The following PAX2 variants were observed in gnomAD, a reference collection of about 807,000 sequenced individuals.
PAX2 encodes the protein paired box 2.
Under a neutral mutation model 41.7 loss-of-function variants are expected in PAX2, and 9 were observed. That is an observed-to-expected ratio of 0.22 (90% CI 0.13 to 0.38). PAX2 has a LOEUF of 0.38. Among genes scored for constraint, PAX2 ranks in the 10% least tolerant of loss-of-function variants. The probability of loss-of-function intolerance (pLI) is 1.00; values close to 1 mark genes in which losing one functional copy is unlikely to be tolerated. For synonymous variants in PAX2, 221 were observed against 212.7 expected (o/e 1.04, Z -0.34); for missense variants, 418 against 531.6 (o/e 0.79, Z 2.10).
chr10:100,810,866 C>G (rs1003807281), intron 7 of PAX2, among the ~76,000 whole-genome samples: 1 of 152,200 alleles, frequency 6.6e-6, no homozygotes, highest in Non-Finnish European at 1.5e-5. Flanking sequence ...CGCCTCCCCC[C>G]CATGGCCCTG....
chr10:100,814,351 C>CAA (rs11458573), intron 7 of PAX2, among the ~76,000 whole-genome samples: 33,030 of 53,684 alleles, frequency 0.62, 12,647 homozygotes, highest in South Asian at 0.76. Context: ...GACTCCATCT[C>CAA]AAAAAAAAAA....
chr10:100,765,916 TATCATCATCATC>T (rs35255034), intron 3 of PAX2, among the ~76,000 whole-genome samples: 2 of 151,024 alleles, frequency 1.3e-5, no homozygotes, highest in South Asian at 2.1e-4. Flanking sequence ...CCTTTATATT[TATCATCATCATC>T]ATCATCATCA....
rs182342008 is a variant in PAX2 at position 100,826,146 on chromosome 10, T to C, written c.1022-863T>C. 7.2e-4 allele frequency among the ~76,000 whole-genome samples: 109 copies of C among 152,240 alleles called. No homozygotes were observed. Among genetic ancestry groups the C allele is most frequent in the Non-Finnish European group, 9.3e-4 (63 of 67,994 alleles). On this transcript the variant is annotated intron_variant, in intron 8 of 9. Transcript: ENST00000355243. This position sits in a 1 kb window ranked among gnomAD's most constrained non-coding sequence, Gnocchi z 5.5. The stretch of plus-strand genomic sequence containing the variant: ...CACAGTTGAGCTCAGAAGCTCATTA[T>C]CCTGCTGCACGCATGCTTTCCCTCC...
intron 5 of PAX2, chr10:100,787,037 G>A (rs185978228): frequency 2.9e-5 from 38 of 1,317,102 alleles, no homozygotes; most frequent in East Asian, 1.9e-4. Context: ...GGAACATGGC[G>A]TGGGGGTCAA....
At chr10:100,784,038 C>T (rs1029215944) in intron 5 of PAX2, among the ~76,000 whole-genome samples, 4 of 152,156 alleles carry the variant, frequency 2.6e-5, no homozygotes, top group Non-Finnish European at 5.9e-5. Flanking sequence ...TCCACCAGCC[C>T]CTGGTGGGAA....
chr10:100,815,531 T>G (rs753211929), intron 7 of PAX2, among the ~76,000 whole-genome samples: 1 of 152,196 alleles, frequency 6.6e-6, no homozygotes, highest in Non-Finnish European at 1.5e-5. Context: ...TCCCTGAGTC[T>G]GCTGGCCACA....
intron 1 of PAX2, among the ~76,000 whole-genome samples, chr10:100,737,596 C>A (rs559989066): frequency 1.4e-4 from 21 of 152,360 alleles, no homozygotes; most frequent in African/African-American, 5.0e-4. Flanking sequence ...GAAAAGGAAA[C>A]CGCACTTCGA....
At chr10:100,769,654 TAAAATAAAATAAAATAAA>T (rs1438969983) in intron 3 of PAX2, among the ~76,000 whole-genome samples, 2 of 148,556 alleles carry the variant, frequency 1.3e-5, no homozygotes, top group Non-Finnish European at 3.0e-5. Context: ...TAAAATAAAA[TAAAATAAAATAAAATAAA>T]AAAATAAAAA....
intron 5 of PAX2, among the ~76,000 whole-genome samples, chr10:100,782,710 G>A (rs1004445305): frequency 2.0e-5 from 3 of 152,384 alleles, no homozygotes; most frequent in South Asian, 2.1e-4. Context: ...TATCCAAACC[G>A]ATTTGGCCGC....
intron 3 of PAX2, among the ~76,000 whole-genome samples, chr10:100,765,198 A>G (rs571188667): frequency 1.3e-5 from 2 of 152,358 alleles, no homozygotes; most frequent in East Asian, 3.9e-4. Context: ...AACTAACTGG[A>G]CAACTGCAAA....
intron 1 of PAX2, among the ~76,000 whole-genome samples, chr10:100,738,613 A>G (rs968931919): frequency 6.6e-6 from 1 of 152,110 alleles, no homozygotes; most frequent in Admixed American, 6.5e-5. Context: ...TCCTCCCTCC[A>G]TCAGTTTCTT....
intron 6 of PAX2, among the ~76,000 whole-genome samples, 199 bp downstream of exon 6, chr10:100,806,804 G>A (rs1847800681): frequency 1.3e-5 from 2 of 152,188 alleles, no homozygotes; most frequent in Admixed American, 6.5e-5. Context: ...TCTGTATATG[G>A]TAATTAGAAA....
rs1290591332 is a variant in PAX2 at position 100,747,904 on chromosome 10, G to A, written c.43+1601G>A. The A allele has an allele frequency of 5.1e-6, 5 of 984,296 alleles. No individual in the cohort carries two copies. The African/African-American group carries it at 5.3e-5, about 10-fold the overall frequency. The allele number at this position is 984,296 out of a possible 1,614,324, so 61.0% of individuals were successfully genotyped here. On this transcript the variant is annotated intron_variant, in intron 1 of 9. Coordinates refer to ENST00000355243, the MANE Select transcript of PAX2 (RefSeq NM_000278.5). ...TCCTTTTTTGCGGATTCCGCCGGGG[G>A]TCCGCCGAGTCCTGGCTGCCCGCGG... is the stretch of plus-strand genomic sequence containing the variant.
intron 7 of PAX2, among the ~76,000 whole-genome samples, chr10:100,814,351 C>CAAT (rs1848111274): frequency 1.9e-5 from 1 of 53,728 alleles, no homozygotes; most frequent in African/African-American, 8.9e-5. Flanking sequence ...GACTCCATCT[C>CAAT]AAAAAAAAAA....
intron 5 of PAX2, among the ~76,000 whole-genome samples, chr10:100,799,777 G>A (rs982126894): frequency 6.9e-6 from 1 of 145,794 alleles, no homozygotes; most frequent in African/African-American, 2.5e-5. Context: ...GAAAACTGAA[G>A]TTAGTGTAAT....
At chr10:100,763,111 A>G (rs1484052707) in intron 3 of PAX2, among the ~76,000 whole-genome samples, 3 of 152,218 alleles carry the variant, frequency 2.0e-5, no homozygotes, top group Non-Finnish European at 2.9e-5. Context: ...TTTGTCAAAT[A>G]GCTGCTACCC....
intron 5 of PAX2, among the ~76,000 whole-genome samples, chr10:100,783,745 C>T (rs902672377): frequency 6.6e-6 from 1 of 151,178 alleles, no homozygotes; most frequent in Non-Finnish European, 1.5e-5. Context: ...GCTCATGCTC[C>T]AGCAGTGTGA....
At chr10:100,810,806 G>C (rs1280917740) in intron 7 of PAX2, among the ~76,000 whole-genome samples, 1 of 152,210 alleles carries the variant, frequency 6.6e-6, no homozygotes, top group African/African-American at 2.4e-5. Flanking sequence ...TGCCACAGGA[G>C]ACCCAGGGGC....
chr10:100,777,398 C>CTTTTTTTTTTT lies in PAX2; in HGVS notation c.411-2096_411-2086dup, dbSNP rs56136871. On this transcript the variant is annotated intron_variant, in intron 3 of 9. Transcript: ENST00000355243. ...ACAGGCATGAGCCACCGCATCTGGC[C>CTTTTTTTTTTT]TTTTTTTTTTTTTTGAGATGGAGTC... is the stretch of plus-strand genomic sequence containing the variant. Among the ~76,000 whole-genome samples, 90 of 121,940 alleles carry CTTTTTTTTTTT rather than the reference C, an allele frequency of 7.4e-4. 4 individuals carry two copies. Among genetic ancestry groups the CTTTTTTTTTTT allele is most frequent in the Middle Eastern group, 6.0e-3 (1 of 168 alleles). The allele number at this position is 121,940 out of a possible 152,430, so 80.0% of individuals were successfully genotyped here. A position where few individuals can be genotyped will look rare whatever the true frequency, so the allele number is the denominator to read the frequency against.
Sources: allele counts gnomAD v4.1 joint callset (sites outside exome capture counted in the v4.1 genomes callset), GRCh38; gene constraint gnomAD v4.1.1; non-coding constraint Gnocchi (gnomAD v3.1); transcripts MANE v1.5; gene names NCBI Gene and HGNC (gene_info 2026-07-23, HGNC 2026-07-21).